The following CSMD3 variants were observed in gnomAD, a reference collection of about 807,000 sequenced individuals.
CSMD3 encodes the protein CUB and sushi domain-containing protein 3.
A neutral mutation model predicts 435.2 loss-of-function variants in CSMD3; 177 were observed. That is an observed-to-expected ratio of 0.41 (90% CI 0.36 to 0.46). The LOEUF (loss-of-function observed/expected upper bound fraction) is 0.46. Among genes scored for constraint, CSMD3 ranks in the 20% least tolerant of loss-of-function variants. The probability of loss-of-function intolerance (pLI) is 0.34; values close to 1 mark genes in which losing one functional copy is unlikely to be tolerated. For synonymous variants in CSMD3, 1,656 were observed against 1,520.5 expected (o/e 1.09, Z -2.07); for missense variants, 4,265 against 4,504.6 (o/e 0.95, Z 1.52).
chr8:112,465,579 C>T (rs1040409695), intron 32 of CSMD3, among the ~76,000 whole-genome samples: 1 of 151,976 alleles, frequency 6.6e-6, no homozygotes, highest in Admixed American at 6.6e-5. Flanking sequence ...ATCATATTTC[C>T]CTTCTCTAAA....
chr8:112,350,274 CTT>C (rs201171217), intron 40 of CSMD3, among the ~76,000 whole-genome samples: 312 of 121,198 alleles, frequency 2.6e-3, no homozygotes, highest in African/African-American at 5.3e-3. Context: ...AAGTCATGGA[CTT>C]TTTTTTTTTT....
At chr8:112,804,895 C>T (rs141917458) in intron 12 of CSMD3, among the ~76,000 whole-genome samples, 1,796 of 152,096 alleles carry the variant, frequency 0.012, 16 homozygotes, top group Non-Finnish European at 0.018. Flanking sequence ...AGTCTCTTGA[C>T]CTCGTGATCT....
chr8:112,547,279 T>G (rs545957143), intron 27 of CSMD3, among the ~76,000 whole-genome samples: 2 of 152,268 alleles, frequency 1.3e-5, no homozygotes, highest in Admixed American at 6.5e-5. Context: ...ATATAGACAT[T>G]TTAAGAGACA....
chr8:112,699,986 T>A lies in CSMD3; in HGVS notation c.1973-9936A>T, dbSNP rs377494019. On this transcript the variant is annotated intron_variant, in intron 13 of 70. Coordinates refer to ENST00000297405, the MANE Select transcript of CSMD3 (RefSeq NM_198123.2). ...TGTGTGTGTGCGTGCGTGTGTGTAG[T>A]TAGTGAAATTTGGAAGGGTTTTAAT... 2.7e-4 allele frequency among the ~76,000 whole-genome samples: 41 copies of A among 152,072 alleles called. 1 individual carries two copies. Among genetic ancestry groups the A allele is most frequent in the African/African-American group, 8.4e-4 (35 of 41,484 alleles).
intron 2 of CSMD3, among the ~76,000 whole-genome samples, chr8:113,306,585 A>G (rs1398732954): frequency 1.3e-5 from 2 of 152,166 alleles, no homozygotes; most frequent in African/African-American, 4.8e-5. Context: ...CATGGCATTA[A>G]AAGAGGCATC....
intron 32 of CSMD3, among the ~76,000 whole-genome samples, chr8:112,449,901 T>G (rs1816068896): frequency 6.6e-6 from 1 of 152,074 alleles, no homozygotes; most frequent in African/African-American, 2.4e-5. Context: ...TTTTCATATT[T>G]TTAGTAGAGA....
chr8:112,388,578 T>A (rs540351817), intron 36 of CSMD3, among the ~76,000 whole-genome samples: 1 of 152,220 alleles, frequency 6.6e-6, no homozygotes, highest in South Asian at 2.1e-4. Context: ...AGTTCTATAG[T>A]TTTGAGAAAA....
At chr8:112,872,071 C>T (rs1046587855) in intron 10 of CSMD3, among the ~76,000 whole-genome samples, 1 of 151,992 alleles carries the variant, frequency 6.6e-6, no homozygotes, top group African/African-American at 2.4e-5. Flanking sequence ...AGGCACTGTT[C>T]TCTGAATCAA....
rs557951959 is a variant in CSMD3 at position 112,314,760 on chromosome 8, T to C, written c.7361-143A>G. ...ATTATTTGTTAGAAGAGACAAGTTG[T>C]ATTAAACTTATGATTCAAAAGCTGG... On this transcript the variant is annotated intron_variant, in intron 47 of 70. Coordinates refer to ENST00000297405, the MANE Select transcript of CSMD3 (RefSeq NM_198123.2). 42 of 672,544 alleles carry C rather than the reference T, an allele frequency of 6.2e-5. No individual in the cohort carries two copies. The South Asian group carries it at 6.7e-4, about 11-fold the overall frequency. The allele number at this position is 672,544 out of a possible 1,614,324, so 41.7% of individuals were successfully genotyped here. A position where few individuals can be genotyped will look rare whatever the true frequency, so the allele number is the denominator to read the frequency against.
rs1658571788 is a variant in CSMD3, at chr8:112,733,319, TTTGTTTTGGCTAAATAAATTAGAA to T, written c.1973-43293_1973-43270del. Among the ~76,000 whole-genome samples, 5 of 152,140 alleles carry T rather than the reference TTTGTTTTGGCTAAATAAATTAGAA, an allele frequency of 3.3e-5. No homozygotes were observed. In the South Asian group the frequency reaches 1.0e-3, roughly 31 times the overall value. On this transcript the variant is annotated intron_variant, in intron 13 of 70. Coordinates refer to ENST00000297405, the MANE Select transcript of CSMD3 (RefSeq NM_198123.2). ...TACTACTTAAAAGTGTGTTTAGATTTTTGTTTTGGCTAAATAAATTAGAATTTGAATGTACCACTTTTTCACATA... is the reference window on the plus strand; with the variant it reads ...TACTACTTAAAAGTGTGTTTAGATTTTTTGAATGTACCACTTTTTCACATA...
At position 113,339,229 on chromosome 8, in the gene CSMD3, C is replaced by T. The variant is rs531955969; in HGVS notation, c.179-24436G>A. On this transcript the variant is annotated intron_variant, in intron 1 of 70. Coordinates refer to ENST00000297405, the MANE Select transcript of CSMD3 (RefSeq NM_198123.2). ...TCTCTTCCTCCGCCTCATAGTTATA[C>T]TATAATTATTATAGTTTGCCATGGA... 2.0e-5 allele frequency among the ~76,000 whole-genome samples: 3 copies of T among 151,916 alleles called. No individual in the cohort carries two copies. In the East Asian group the frequency reaches 5.8e-4, roughly 29 times the overall value.
At chr8:112,506,852 A>C in intron 28 of CSMD3, 23 bp from the exon 29 acceptor site, 1 of 1,588,700 alleles carries the variant, frequency 6.3e-7, no homozygotes, top group Non-Finnish European at 8.6e-7. Context: ...CAAACAAATA[A>C]AATCTCTTTA....
chr8:112,975,987 C>T lies in CSMD3; in HGVS notation c.1192G>A (p.Val398Ile). The change falls in exon 7 of 71, where the codon GTT (valine) becomes ATT (isoleucine). Residue 398 changes from valine (V) to isoleucine (I), a missense_variant. Around this residue, in one of 3 missense-constraint regions of CSMD3, gnomAD observed 731 missense variants for 755.4 expected, o/e 0.97. Coordinates refer to ENST00000297405, the MANE Select transcript of CSMD3 (RefSeq NM_198123.2). Reference protein sequence around the residue: ...HRLSEEQRVQVTSLRNSGLDP... With the variant: ...HRLSEEQRVQITSLRNSGLDP... ...AGACCTGAATTTCTGAGACTCGTAA[C>T]TTGCACTCGCTGTTCCTCGGAAAGT... The T allele has an allele frequency of 6.2e-7, 1 of 1,614,000 alleles. No homozygotes were observed.
intron 24 of CSMD3, among the ~76,000 whole-genome samples, chr8:112,561,888 C>A (rs539038251): frequency 6.8e-4 from 103 of 151,638 alleles, no homozygotes; most frequent in African/African-American, 2.5e-3. Flanking sequence ...TGCACACATG[C>A]GCACACTCAC....
intron 1 of CSMD3, among the ~76,000 whole-genome samples, chr8:113,320,445 G>T (rs1388288353): frequency 6.6e-6 from 1 of 152,034 alleles, no homozygotes; most frequent in African/African-American, 2.4e-5. Context: ...TATATGTATA[G>T]TAGTTTAATG....
intron 3 of CSMD3, among the ~76,000 whole-genome samples, chr8:113,204,036 C>A (rs568050509): frequency 6.6e-6 from 1 of 152,204 alleles, no homozygotes; most frequent in African/African-American, 2.4e-5. Flanking sequence ...TTAATCACCT[C>A]TTTTTTCACT....
chr8:113,218,721 T>A (rs969392371), intron 3 of CSMD3, among the ~76,000 whole-genome samples: 6 of 151,314 alleles, frequency 4.0e-5, no homozygotes, highest in Admixed American at 2.0e-4. Flanking sequence ...TAAAAATTTA[T>A]ATTTAACATA....
intron 3 of CSMD3, among the ~76,000 whole-genome samples, chr8:113,250,362 T>C (rs1459983896): frequency 6.6e-6 from 1 of 152,052 alleles, no homozygotes; most frequent in Non-Finnish European, 1.5e-5. Flanking sequence ...GAATGACACA[T>C]CCTGATGTAG....
chr8:112,851,446 A>G (rs2080483832), intron 11 of CSMD3, among the ~76,000 whole-genome samples: 1 of 152,140 alleles, frequency 6.6e-6, no homozygotes, highest in Non-Finnish European at 1.5e-5. Flanking sequence ...GAATCGTGAC[A>G]TAAAGGATAC....
Sources: allele counts gnomAD v4.1 joint callset (sites outside exome capture counted in the v4.1 genomes callset), GRCh38; gene constraint gnomAD v4.1.1; regional missense constraint gnomAD v4.1.1; transcripts MANE v1.5; gene names NCBI Gene and HGNC (gene_info 2026-07-23, HGNC 2026-07-21).